LRP1B: variants seen among roughly 807,000 people sequenced by gnomAD.
LRP1B encodes the protein low-density lipoprotein receptor-related protein 1B.
A neutral mutation model predicts 556.6 loss-of-function variants in LRP1B; 217 were observed. The observed-to-expected ratio is 0.39, with a 90% CI of 0.35 to 0.44. The LOEUF is 0.44. Ranked by LOEUF, LRP1B falls within the 20% of genes least tolerant of loss-of-function variation. LRP1B has a pLI of 1.00. For synonymous variants in LRP1B, 2,047 were observed against 1,865.8 expected (o/e 1.10, Z -2.50); for missense variants, 5,053 against 5,620.8 (o/e 0.90, Z 3.23).
intron 41 of LRP1B, among the ~76,000 whole-genome samples, chr2:140,640,836 A>T (rs1382359367): frequency 6.6e-6 from 1 of 151,946 alleles, no homozygotes; most frequent in East Asian, 1.9e-4. Flanking sequence ...AGCCTGACAC[A>T]GGCTCAGTAA....
At chr2:140,635,744 T>C (rs1188216467) in intron 41 of LRP1B, among the ~76,000 whole-genome samples, 1 of 152,038 alleles carries the variant, frequency 6.6e-6, no homozygotes, top group African/African-American at 2.4e-5. Context: ...GCCAAATATA[T>C]GGTGCAAGTA....
chr2:140,546,361 C>T (rs1171871958), intron 43 of LRP1B, among the ~76,000 whole-genome samples: 7 of 151,960 alleles, frequency 4.6e-5, no homozygotes, highest in Non-Finnish European at 8.8e-5. Flanking sequence ...TGTATTAGTA[C>T]ATTCTTATGC....
chr2:141,907,094 A>C (rs1699779256), intron 1 of LRP1B, among the ~76,000 whole-genome samples: 1 of 152,068 alleles, frequency 6.6e-6, no homozygotes, highest in Admixed American at 6.6e-5. Context: ...TGTATAGTTC[A>C]GTTGGCATAA....
chr2:141,474,038 T>TCCCTC (rs1559091503), intron 3 of LRP1B, among the ~76,000 whole-genome samples: 3,792 of 126,792 alleles, frequency 0.03, 324 homozygotes, highest in African/African-American at 0.11. Context: ...CTTCCTTCCT[T>TCCCTC]CCTTCCTTTC....
At chr2:140,525,192 T>A (rs1690377414) in intron 49 of LRP1B, among the ~76,000 whole-genome samples, 1 of 151,918 alleles carries the variant, frequency 6.6e-6, no homozygotes, top group East Asian at 1.9e-4. Context: ...TTTAATAGTG[T>A]CCTATATAGA....
At chr2:141,394,354 T>G (rs1451011036) in intron 3 of LRP1B, among the ~76,000 whole-genome samples, 1 of 152,144 alleles carries the variant, frequency 6.6e-6, no homozygotes, top group Non-Finnish European at 1.5e-5. Context: ...TTTAAATAAA[T>G]TTTCTTTGCT....
At chr2:140,398,392 G>C (rs750991173) in intron 66 of LRP1B, among the ~76,000 whole-genome samples, 2 of 152,100 alleles carry the variant, frequency 1.3e-5, no homozygotes, top group Non-Finnish European at 2.9e-5. Flanking sequence ...AAAGCATACT[G>C]CTAGTGATCT....
chr2:140,948,737 T>C (rs1695616493), intron 20 of LRP1B, among the ~76,000 whole-genome samples: 2 of 152,352 alleles, frequency 1.3e-5, no homozygotes, highest in East Asian at 1.9e-4. Context: ...TGAGAACTTG[T>C]GTTTCACTGC....
intron 2 of LRP1B, among the ~76,000 whole-genome samples, chr2:141,745,453 G>A (rs950559577): frequency 5.9e-5 from 9 of 151,860 alleles, no homozygotes; most frequent in Non-Finnish European, 1.3e-4. Flanking sequence ...TCACCCTATG[G>A]CCACCACCAC....
chr2:140,366,922 G>C (rs537877819), intron 71 of LRP1B, among the ~76,000 whole-genome samples: 1 of 151,638 alleles, frequency 6.6e-6, no homozygotes, highest in Non-Finnish European at 1.5e-5. Context: ...CACATTTGAG[G>C]GTACAGGAGA....
At chr2:140,336,382 T>G (rs1237890240) in intron 77 of LRP1B, among the ~76,000 whole-genome samples, 4 of 104,244 alleles carry the variant, frequency 3.8e-5, no homozygotes, top group Non-Finnish European at 8.4e-5. Context: ...ATGGATAGTT[T>G]AGTACTTTTT....
chr2:141,580,968 A>C (rs1169518167), intron 2 of LRP1B, among the ~76,000 whole-genome samples: 1 of 152,196 alleles, frequency 6.6e-6, no homozygotes, highest in East Asian at 1.9e-4. Flanking sequence ...AGTTATTGGA[A>C]TACTTCTGCT....
chr2:140,451,382 T>A (rs778638520), intron 62 of LRP1B, among the ~76,000 whole-genome samples: 1 of 152,192 alleles, frequency 6.6e-6, no homozygotes, highest in Non-Finnish European at 1.5e-5. Context: ...CTAAAAGCTA[T>A]CAGGAATATC....
intron 14 of LRP1B, among the ~76,000 whole-genome samples, chr2:141,009,669 G>A (rs921155609): frequency 6.6e-6 from 1 of 151,894 alleles, no homozygotes; most frequent in South Asian, 2.1e-4. Flanking sequence ...TGCTATGTCT[G>A]TTATACTAGT....
At chr2:141,594,544 T>C (rs1687448819) in intron 2 of LRP1B, among the ~76,000 whole-genome samples, 1 of 152,146 alleles carries the variant, frequency 6.6e-6, no homozygotes, top group African/African-American at 2.4e-5. Context: ...TTCTCCTTTG[T>C]GTCTAAGCAA....
chr2:140,647,009 T>A (rs1008757370), intron 41 of LRP1B, among the ~76,000 whole-genome samples: 2 of 152,122 alleles, frequency 1.3e-5, no homozygotes, highest in Admixed American at 6.6e-5. Context: ...TCAATCAAAT[T>A]TATACTCTAG....
At chr2:141,115,432 T>C (rs142883667) in intron 7 of LRP1B, among the ~76,000 whole-genome samples, 2,684 of 150,166 alleles carry the variant, frequency 0.018, 36 homozygotes, top group South Asian at 0.03. Context: ...AATAGGACTT[T>C]GCAAAATGAA....
chr2:140,377,366 T>C (rs1435651684), intron 68 of LRP1B, among the ~76,000 whole-genome samples: 1 of 152,174 alleles, frequency 6.6e-6, no homozygotes, highest in Non-Finnish European at 1.5e-5. Flanking sequence ...TAAGCCACCA[T>C]GCCCGGCTAG....
intron 2 of LRP1B, among the ~76,000 whole-genome samples, chr2:141,782,160 G>C (rs916671386): frequency 2.0e-5 from 3 of 152,046 alleles, no homozygotes; most frequent in African/African-American, 7.2e-5. Context: ...ATTCCCACTG[G>C]GTTCTTTACC....
Sources: gnomAD v4.1 joint callset for allele counts (sites outside exome capture counted in the v4.1 genomes callset) on GRCh38, gnomAD v4.1.1 for gene constraint, MANE v1.5 for transcripts, NCBI Gene and HGNC (gene_info 2026-07-23, HGNC 2026-07-21) for gene names.